The following UAP1 variants were observed in gnomAD, a reference collection of about 807,000 sequenced individuals.
UAP1 encodes UDP-N-acetylglucosamine pyrophosphorylase 1.
In UAP1, 25 loss-of-function variants were observed where a neutral mutation model predicts 58.5. That is an observed-to-expected ratio of 0.43 (90% CI 0.31 to 0.60). The LOEUF is 0.60. UAP1 is among the 20% of genes least tolerant of loss of function. The probability of loss-of-function intolerance (pLI) is 0.11; values close to 1 mark genes in which losing one functional copy is unlikely to be tolerated. For missense variants in UAP1, 575 were observed against 630.0 expected (o/e 0.91, Z 0.93); for synonymous variants, 208 against 213.0 (o/e 0.98, Z 0.21).
chr1:162,592,924 T>C (rs1557980271), intron 9 of UAP1, 142 bp downstream of exon 9: 1 of 679,488 alleles, frequency 1.5e-6, no homozygotes, highest in Non-Finnish European at 2.6e-6. Context: ...CACTGCTTAC[T>C]TGGTGGCAGG....
chr1:162,574,119 G>A (rs1456206805), intron 2 of UAP1, among the ~76,000 whole-genome samples: 1 of 141,904 alleles, frequency 7.0e-6, no homozygotes, highest in African/African-American at 2.6e-5. Flanking sequence ...TTGAGACGGA[G>A]TCTCACTTTG....
At chr1:162,567,874 G>A (rs1349198874) in intron 2 of UAP1, among the ~76,000 whole-genome samples, 1 of 152,040 alleles carries the variant, frequency 6.6e-6, no homozygotes, top group Non-Finnish European at 1.5e-5. Flanking sequence ...CTCACTCACT[G>A]CAACTTCGCC....
intron 1 of UAP1, among the ~76,000 whole-genome samples, chr1:162,564,396 T>TTC (rs1383482397): frequency 1.3e-5 from 2 of 152,244 alleles, no homozygotes; most frequent in African/African-American, 4.8e-5. Context: ...CCATGTGTAT[T>TTC]ACTTTTCACT....
chr1:162,570,113 T>G (rs535072014), intron 2 of UAP1, among the ~76,000 whole-genome samples: 1 of 149,498 alleles, frequency 6.7e-6, no homozygotes, highest in South Asian at 2.1e-4. Flanking sequence ...CGTGCCACTG[T>G]ACTCCAGCCT....
Position 162,565,996 on chromosome 1 carries a change from T to C in UAP1, c.-57-16T>C. ...GGTTGGATTTTGACATGCCATTAAT[T>C]ACTTTTCTCTTTTAGGTTTACAGGT... On this transcript the variant is annotated splice_polypyrimidine_tract_variant and intron_variant, in intron 1 of 10. Transcript: ENST00000271469. 6.8e-7 allele frequency: 1 copy of C among 1,471,530 alleles called. No homozygotes were observed. Among genetic ancestry groups the C allele is most frequent in the Non-Finnish European group, 9.1e-7 (1 of 1,097,720 alleles). 91.2% of individuals were successfully genotyped at this position (1,471,530 alleles called of 1,614,324 possible). A position where few individuals can be genotyped will look rare whatever the true frequency, so the allele number is the denominator to read the frequency against.
chr1:162,567,942 C>T (rs60584175), intron 2 of UAP1, among the ~76,000 whole-genome samples: 1 of 152,162 alleles, frequency 6.6e-6, no homozygotes, highest in Non-Finnish European at 1.5e-5. Context: ...ATTACAGGTT[C>T]GTACCACCAT....
chr1:162,589,153 AT>A (rs1655111960), intron 7 of UAP1, among the ~76,000 whole-genome samples: 2 of 92,522 alleles, frequency 2.2e-5, no homozygotes, highest in African/African-American at 8.6e-5. Context: ...TATATAATAT[AT>A]ATTATATATA....
chr1:162,583,986 A>G (rs1328410689), intron 5 of UAP1, among the ~76,000 whole-genome samples: 1 of 152,194 alleles, frequency 6.6e-6, no homozygotes, highest in African/African-American at 2.4e-5. Context: ...TCTTTATCAC[A>G]TTAACAGAGC....
exon 5 of UAP1, chr1:162,581,324 G>C: frequency 1.2e-6 from 2 of 1,613,726 alleles, no homozygotes; most frequent in Non-Finnish European, 1.7e-6. Context: ...TTGCAGCCCA[G>C]AATATTGTGG....
intron 2 of UAP1, among the ~76,000 whole-genome samples, chr1:162,570,032 C>T (rs533488074): frequency 6.6e-6 from 1 of 152,016 alleles, no homozygotes; most frequent in African/African-American, 2.4e-5. Context: ...GCTTGTAGTC[C>T]CAGCTACTCG....
chr1:162,589,408 C>T (rs908034213), intron 7 of UAP1, among the ~76,000 whole-genome samples: 5 of 148,416 alleles, frequency 3.4e-5, no homozygotes, highest in East Asian at 2.0e-4. Context: ...CCATCTCGGC[C>T]GCCCAAAGTG....
At chr1:162,576,361 C>A (rs778832567) in intron 2 of UAP1, among the ~76,000 whole-genome samples, 1 of 152,086 alleles carries the variant, frequency 6.6e-6, no homozygotes, top group Non-Finnish European at 1.5e-5. Flanking sequence ...TTATATCTCT[C>A]GGTTCTTACC....
intron 2 of UAP1, among the ~76,000 whole-genome samples, chr1:162,573,903 G>T (rs544774969): frequency 7.2e-5 from 11 of 151,936 alleles, no homozygotes; most frequent in Non-Finnish European, 1.3e-4. Context: ...GGCAGAGGTT[G>T]CAGTAAGCCA....
intron 2 of UAP1, among the ~76,000 whole-genome samples, chr1:162,574,127 T>C (rs143840519): frequency 0.012 from 1,777 of 150,736 alleles, 28 homozygotes; most frequent in East Asian, 0.046. Context: ...GAGTCTCACT[T>C]TGTTGCCCAA....
intron 3 of UAP1, 93 bp from the exon 4 acceptor site, chr1:162,579,335 A>C: frequency 1.0e-6 from 1 of 957,010 alleles, no homozygotes; most frequent in Non-Finnish European, 1.4e-6. Context: ...AAGTGCTTTC[A>C]AAGATATCTT....
At chr1:162,587,623 T>C (rs1253468417) in exon 6 of UAP1, 2 of 1,614,108 alleles carry the variant, frequency 1.2e-6, no homozygotes, top group Non-Finnish European at 8.5e-7. Flanking sequence ...GCGGGGAACA[T>C]TGCCAACCAT....
intron 3 of UAP1, 87 bp downstream of exon 3, chr1:162,577,068 A>T: frequency 8.0e-7 from 1 of 1,257,236 alleles, no homozygotes. Context: ...GCACTCACAG[A>T]CATATTTCTT....
At chr1:162,586,786 C>T (rs1293606294) in intron 5 of UAP1, among the ~76,000 whole-genome samples, 1 of 152,090 alleles carries the variant, frequency 6.6e-6, no homozygotes, top group Non-Finnish European at 1.5e-5. Flanking sequence ...AGCCCAGAGC[C>T]ATTGATAAAT....
chr1:162,579,435 A>T (rs1221387026), exon 4 of UAP1: 15 of 1,570,194 alleles, frequency 9.6e-6, no homozygotes, highest in Non-Finnish European at 1.1e-5. Context: ...AAGGTATATA[A>T]TGACCAGTGG....
Sources: allele counts gnomAD v4.1 joint callset (sites outside exome capture counted in the v4.1 genomes callset), GRCh38; gene constraint gnomAD v4.1.1; transcripts MANE v1.5; gene names NCBI Gene and HGNC (gene_info 2026-07-23, HGNC 2026-07-21).